The following ELAVL4 variants were observed in gnomAD, a reference collection of about 807,000 sequenced individuals.
ELAVL4 encodes the protein ELAV-like protein 4.
A neutral mutation model predicts 35.6 loss-of-function variants in ELAVL4; 1 was observed. That is an observed-to-expected ratio of 0.03 (90% CI 0.01 to 0.13). ELAVL4 has a LOEUF of 0.13. Ranked by LOEUF, ELAVL4 falls within the 10% of genes least tolerant of loss-of-function variation. The pLI is 1.00. For missense variants in ELAVL4, 267 were observed against 464.9 expected (o/e 0.57, Z 3.91); for synonymous variants, 156 against 171.0 (o/e 0.91, Z 0.69).
chr1:50,052,057 T>C (rs1156696208), intron 1 of ELAVL4, among the ~76,000 whole-genome samples: 1 of 152,182 alleles, frequency 6.6e-6, no homozygotes, highest in Non-Finnish European at 1.5e-5. Flanking sequence ...TTAATTACTT[T>C]TTTAAAGGCC....
At chr1:50,065,721 A>G (rs1278885212) in intron 1 of ELAVL4, among the ~76,000 whole-genome samples, 1 of 152,124 alleles carries the variant, frequency 6.6e-6, no homozygotes, top group Non-Finnish European at 1.5e-5. Context: ...TGAGTCTACA[A>G]GTCAGTTCTT....
At chr1:50,087,464 A>T (rs190387407) in intron 1 of ELAVL4, among the ~76,000 whole-genome samples, 2 of 152,266 alleles carry the variant, frequency 1.3e-5, no homozygotes, top group East Asian at 3.9e-4. Flanking sequence ...GTAATTTTTT[A>T]AACTTAGCTA....
chr1:50,109,662 G>T, intron 1 of ELAVL4: 1 of 493,504 alleles, frequency 2.0e-6, no homozygotes, highest in Non-Finnish European at 3.7e-6. Context: ...ACTGAACACT[G>T]AGATGGGCAG....
chr1:50,164,133 C>T (rs746693820), intron 2 of ELAVL4, among the ~76,000 whole-genome samples: 1 of 152,068 alleles, frequency 6.6e-6, no homozygotes, highest in Non-Finnish European at 1.5e-5. Context: ...ATAATGCGTG[C>T]TCAAAAAATA....
intron 1 of ELAVL4, among the ~76,000 whole-genome samples, chr1:50,125,488 G>C (rs1340056776): frequency 6.6e-6 from 1 of 151,958 alleles, no homozygotes; most frequent in East Asian, 1.9e-4. Context: ...CTTGGAGACA[G>C]GCTTGCCTGA....
At chr1:50,188,684 C>G (rs1161949104) in intron 3 of ELAVL4, among the ~76,000 whole-genome samples, 2 of 152,184 alleles carry the variant, frequency 1.3e-5, no homozygotes, top group African/African-American at 4.8e-5. Context: ...AGACTGAGAG[C>G]CTGGAACAGA....
chr1:50,183,774 G>C (rs776078074), intron 3 of ELAVL4, among the ~76,000 whole-genome samples: 8 of 152,120 alleles, frequency 5.3e-5, no homozygotes, highest in Non-Finnish European at 1.0e-4. Context: ...TCTTTTCTTT[G>C]CATTCGGCAT....
In ELAVL4 at chr1:50,055,386, G is replaced by A. The variant is rs189048278; in HGVS notation, c.18+7204G>A. Among the ~76,000 whole-genome samples, 1,258 of 152,018 alleles carry A rather than the reference G, an allele frequency of 8.3e-3. 3 individuals carry two copies. The highest frequency in any genetic ancestry group is 0.014 in the Non-Finnish European group (926 of 67,966). ...GCGATCTTGGCTCACTGCGAGCTCC[G>A]CCTCCTGGGCTTACACCATGCTCCT... is the stretch of plus-strand genomic sequence containing the variant. On this transcript the variant is annotated intron_variant, in intron 1 of 6. Transcript: ENST00000448907.
At chr1:50,052,562 C>T (rs1182766186) in intron 1 of ELAVL4, among the ~76,000 whole-genome samples, 2 of 152,154 alleles carry the variant, frequency 1.3e-5, no homozygotes, top group Non-Finnish European at 2.9e-5. Flanking sequence ...TACTTTCATA[C>T]CCCCTTGTCA....
intron 3 of ELAVL4, among the ~76,000 whole-genome samples, chr1:50,188,135 C>T (rs1682114710): frequency 6.6e-6 from 1 of 152,032 alleles, no homozygotes; most frequent in Admixed American, 6.6e-5. Flanking sequence ...GTGTAGGATG[C>T]CTCATGAGGT....
chr1:50,052,219 G>C (rs914284953), intron 1 of ELAVL4, among the ~76,000 whole-genome samples: 1 of 152,144 alleles, frequency 6.6e-6, no homozygotes, highest in Non-Finnish European at 1.5e-5. Context: ...ATATGAAACA[G>C]GTGAGATTTT....
chr1:50,091,007 A>C (rs1665468119), intron 1 of ELAVL4, among the ~76,000 whole-genome samples: 1 of 152,134 alleles, frequency 6.6e-6, no homozygotes, highest in Non-Finnish European at 1.5e-5. Context: ...TCCAAGTCCT[A>C]CTGGAGTAAG....
chr1:50,082,967 A>G (rs1271716982), intron 1 of ELAVL4, among the ~76,000 whole-genome samples: 1 of 152,196 alleles, frequency 6.6e-6, no homozygotes, highest in Non-Finnish European at 1.5e-5. Context: ...CCAGCCTTTC[A>G]GAATGGGGAT....
chr1:50,112,014 A>G (rs564761020), intron 1 of ELAVL4, among the ~76,000 whole-genome samples: 1 of 152,290 alleles, frequency 6.6e-6, no homozygotes, highest in African/African-American at 2.4e-5. Flanking sequence ...CTAAAAGATT[A>G]GGAAATATAA....
At chr1:50,074,706 A>G (rs1206442686) in intron 1 of ELAVL4, among the ~76,000 whole-genome samples, 1 of 152,206 alleles carries the variant, frequency 6.6e-6, no homozygotes, top group Non-Finnish European at 1.5e-5. Context: ...GCTAAATCTT[A>G]AAGATGAAAT....
chr1:50,156,754 C>T lies in ELAVL4; in HGVS notation c.250+11557C>T, dbSNP rs768914547. Among the ~76,000 whole-genome samples the T allele has an allele frequency of 7.9e-5, 12 of 152,124 alleles. No homozygotes were observed. The South Asian group carries it at 8.3e-4, about 11-fold the overall frequency. ...TCACACAGCAAGCAAGTGGCCAAGC[C>T]GGCTGCATACCCATGTCTGTCTGCC... On this transcript the variant is annotated intron_variant, in intron 2 of 6. Transcript: ENST00000371824.
intron 1 of ELAVL4, among the ~76,000 whole-genome samples, chr1:50,135,370 A>G (rs184447089): frequency 6.6e-6 from 1 of 152,324 alleles, no homozygotes; most frequent in East Asian, 1.9e-4. Context: ...CAAAACAGGT[A>G]GGATTAGTCT....
intron 1 of ELAVL4, among the ~76,000 whole-genome samples, chr1:50,078,508 G>A (rs1474711075): frequency 6.6e-6 from 1 of 151,962 alleles, no homozygotes; most frequent in Non-Finnish European, 1.5e-5. Flanking sequence ...TGTCAAATTC[G>A]AAGCTCACTT....
At chr1:50,132,762 G>A (rs1671078382) in intron 1 of ELAVL4, among the ~76,000 whole-genome samples, 1 of 152,100 alleles carries the variant, frequency 6.6e-6, no homozygotes, top group Non-Finnish European at 1.5e-5. Flanking sequence ...TGGTTTGAAG[G>A]ACTTGACATT....
Sources: gnomAD v4.1 joint callset for allele counts (sites outside exome capture counted in the v4.1 genomes callset) on GRCh38, gnomAD v4.1.1 for gene constraint, MANE v1.5 for transcripts, NCBI Gene and HGNC (gene_info 2026-07-23, HGNC 2026-07-21) for gene names.